Variants in TMTC2 observed in about 807,000 individuals in gnomAD.
TMTC2 encodes protein O-mannosyl-transferase TMTC2.
A neutral mutation model predicts 82.4 loss-of-function variants in TMTC2; 43 were observed. That is an observed-to-expected ratio of 0.52 (90% confidence interval 0.41 to 0.67). The LOEUF (loss-of-function observed/expected upper bound fraction) is 0.67. Among genes scored for constraint, TMTC2 ranks in the 30% least tolerant of loss-of-function variants. TMTC2 has a pLI of 0.00. For missense variants in TMTC2, 919 were observed against 1,012.4 expected (o/e 0.91, Z 1.25); for synonymous variants, 408 against 381.9 (o/e 1.07, Z -0.80).
intron 1 of TMTC2, among the ~76,000 whole-genome samples, chr12:82,844,039 T>C (rs1336562481): frequency 2.0e-5 from 3 of 152,196 alleles, no homozygotes; most frequent in Non-Finnish European, 4.4e-5. Flanking sequence ...GGATAATGCA[T>C]CATGAATGTC....
chr12:82,960,495 G>C (rs1877869873), intron 4 of TMTC2, among the ~76,000 whole-genome samples: 2 of 152,004 alleles, frequency 1.3e-5, no homozygotes, highest in Admixed American at 1.3e-4. Context: ...GCAGCTGGAG[G>C]CCATTATCCT....
intron 1 of TMTC2, among the ~76,000 whole-genome samples, chr12:82,747,759 A>G (rs143360126): frequency 6.7e-4 from 102 of 152,278 alleles, no homozygotes; most frequent in African/African-American, 2.4e-3. Flanking sequence ...TTTTTTACTT[A>G]AATACGTTTA....
chr12:82,938,459 G>C (rs909293831), intron 4 of TMTC2, among the ~76,000 whole-genome samples: 2 of 152,178 alleles, frequency 1.3e-5, no homozygotes, highest in African/African-American at 4.8e-5. Context: ...GTTGGGGATA[G>C]AGGGACGTGT....
In TMTC2 at chr12:83,114,877, A is replaced by G. The variant is rs148519786; in HGVS notation, c.2332-17333A>G. ...ATCTGATATATGTGTGTATATATGTATATGTGTGTATATTTATATATATAA... is the reference window on the plus strand; with the variant it reads ...ATCTGATATATGTGTGTATATATGTGTATGTGTGTATATTTATATATATAA... On this transcript the variant is annotated intron_variant, in intron 11 of 11. Coordinates refer to ENST00000321196, the MANE Select transcript of TMTC2 (RefSeq NM_152588.3). Among the ~76,000 whole-genome samples the G allele has an allele frequency of 2.4e-3, 362 of 151,706 alleles. 3 individuals carry two copies. Among genetic ancestry groups the G allele is most frequent in the African/African-American group, 8.3e-3 (343 of 41,386 alleles).
intron 1 of TMTC2, among the ~76,000 whole-genome samples, chr12:82,828,048 A>G (rs1211928768): frequency 3.3e-5 from 5 of 151,346 alleles, no homozygotes; most frequent in Non-Finnish European, 7.4e-5. Flanking sequence ...ATGCGCCACC[A>G]TGCCCAGCTA....
At chr12:82,693,257 A>G (rs1020868490) in intron 1 of TMTC2, among the ~76,000 whole-genome samples, 1 of 152,114 alleles carries the variant, frequency 6.6e-6, no homozygotes, top group Admixed American at 6.5e-5. Context: ...GTTTATTTTT[A>G]TTGATACTCA....
intron 1 of TMTC2, among the ~76,000 whole-genome samples, chr12:82,755,814 T>C (rs1336880652): frequency 6.6e-6 from 1 of 152,214 alleles, no homozygotes; most frequent in East Asian, 1.9e-4. Context: ...ACTTTTGTTA[T>C]ATGTATGTCA....
chr12:83,092,123 C>T (rs1883866554), intron 11 of TMTC2, among the ~76,000 whole-genome samples: 1 of 152,206 alleles, frequency 6.6e-6, no homozygotes, highest in Admixed American at 6.5e-5. Context: ...TGTGCTTCTT[C>T]TCACTGGGTA....
chr12:83,106,084 T>C (rs895196692), intron 11 of TMTC2, among the ~76,000 whole-genome samples: 1 of 152,152 alleles, frequency 6.6e-6, no homozygotes, highest in African/African-American at 2.4e-5. Flanking sequence ...CAAATGAGAA[T>C]ATCAGATATA....
intron 1 of TMTC2, among the ~76,000 whole-genome samples, chr12:82,770,146 A>T (rs1469594574): frequency 6.6e-6 from 1 of 152,186 alleles, no homozygotes; most frequent in Non-Finnish European, 1.5e-5. Flanking sequence ...TATAACTGCA[A>T]GTCAAACTGT....
chr12:82,733,052 CAGAGGG>C (rs1468396822), intron 1 of TMTC2, among the ~76,000 whole-genome samples: 1 of 152,100 alleles, frequency 6.6e-6, no homozygotes, highest in Non-Finnish European at 1.5e-5. Flanking sequence ...TAATTGTTCT[CAGAGGG>C]AAGATCTCTT....
chr12:82,711,589 A>G (rs1047907503), intron 1 of TMTC2, among the ~76,000 whole-genome samples: 1 of 152,232 alleles, frequency 6.6e-6, no homozygotes, highest in African/African-American at 2.4e-5. Context: ...TTAGTCTTTT[A>G]CCTAAATATC....
intron 2 of TMTC2, among the ~76,000 whole-genome samples, chr12:82,858,208 G>C (rs1295432979): frequency 6.6e-6 from 1 of 152,202 alleles, no homozygotes; most frequent in Non-Finnish European, 1.5e-5. Flanking sequence ...TATTCCCTTA[G>C]TGGTATCCAG....
intron 1 of TMTC2, among the ~76,000 whole-genome samples, chr12:82,707,372 G>C (rs572690319): frequency 6.6e-6 from 1 of 152,294 alleles, no homozygotes; most frequent in South Asian, 2.1e-4. Flanking sequence ...CTGGGCATTA[G>C]GATTTAACAT....
In TMTC2 at chr12:82,997,354, A is replaced by ATATATATATGTGTATATATATATATGTG. The variant is rs1565845040; in HGVS notation, c.2070+11317_2070+11318insGTGTATATATATATATGTGTATATATAT. 5.3e-3 allele frequency among the ~76,000 whole-genome samples: 153 copies of ATATATATATGTGTATATATATATATGTG among 28,878 alleles called. 8 individuals are homozygous for ATATATATATGTGTATATATATATATGTG. Among genetic ancestry groups the ATATATATATGTGTATATATATATATGTG allele is most frequent in the African/African-American group, 0.015 (144 of 9,550 alleles). The allele number at this position is 28,878 out of a possible 152,430, so 18.9% of individuals were successfully genotyped here. A position where few individuals can be genotyped will look rare whatever the true frequency, so the allele number is the denominator to read the frequency against. On this transcript the variant is annotated intron_variant, in intron 8 of 11. Transcript: ENST00000321196. ...TGTGTGTGTGTGTGTGTGTGTATAT[A>ATATATATATGTGTATATATATATATGTG]TATATATATATGTGTATATATATAT...
At chr12:82,875,592 G>A (rs993837526) in intron 2 of TMTC2, among the ~76,000 whole-genome samples, 1 of 152,076 alleles carries the variant, frequency 6.6e-6, no homozygotes, top group African/African-American at 2.4e-5. Flanking sequence ...TCAGAATTTA[G>A]CATTACGGCT....
chr12:83,081,875 C>CA (rs1883483898), intron 11 of TMTC2, among the ~76,000 whole-genome samples: 4 of 151,524 alleles, frequency 2.6e-5, no homozygotes, highest in African/African-American at 9.7e-5. Flanking sequence ...CCTGTTGTTA[C>CA]AAAAAATAAA....
At chr12:83,019,223 T>A (rs1796176) in intron 8 of TMTC2, among the ~76,000 whole-genome samples, 124,847 of 152,042 alleles carry the variant, frequency 0.82, 52,462 homozygotes, top group South Asian at 0.96. Context: ...TGTTATTTTT[T>A]AAAAACCCTC....
chr12:83,028,027 T>C (rs1414012826), intron 8 of TMTC2, among the ~76,000 whole-genome samples: 9 of 152,198 alleles, frequency 5.9e-5, no homozygotes, highest in Admixed American at 5.9e-4. Context: ...GCTTTCATTT[T>C]ACATCTTTTT....
Sources: allele counts gnomAD v4.1 joint callset (sites outside exome capture counted in the v4.1 genomes callset), GRCh38; gene constraint gnomAD v4.1.1; transcripts MANE v1.5; gene names NCBI Gene and HGNC (gene_info 2026-07-23, HGNC 2026-07-21).